TLN2: variants seen among roughly 807,000 people sequenced by gnomAD.
TLN2 encodes the protein talin 2.
A neutral mutation model predicts 294.7 loss-of-function variants in TLN2; 118 were observed. The observed-to-expected ratio is 0.40, with a 90% CI of 0.34 to 0.47. TLN2 has a LOEUF of 0.47. TLN2 is among the 20% of genes least tolerant of loss of function. The pLI is 0.84. For synonymous variants in TLN2, 1,431 were observed against 1,304.5 expected (o/e 1.10, Z -2.09); for missense variants, 3,083 against 3,282.2 (o/e 0.94, Z 1.48).
chr15:62,773,704 C>A (rs2063503008), intron 42 of TLN2, among the ~76,000 whole-genome samples: 1 of 152,142 alleles, frequency 6.6e-6, no homozygotes, highest in Admixed American at 6.5e-5. Context: ...TGAAAAATAG[C>A]ACAAGCTTTG....
chr15:62,785,926 CACA>C (rs776254286), intron 45 of TLN2, among the ~76,000 whole-genome samples: 8 of 152,098 alleles, frequency 5.3e-5, no homozygotes, highest in Non-Finnish European at 8.8e-5. Context: ...TTGCTAAAAG[CACA>C]ACAACAGGTT....
At chr15:62,710,551 A>G (rs986498880) in intron 21 of TLN2, among the ~76,000 whole-genome samples, 2 of 152,180 alleles carry the variant, frequency 1.3e-5, no homozygotes, top group African/African-American at 4.8e-5. Context: ...AAAGTTGCAG[A>G]GGAAATATGG....
intron 45 of TLN2, among the ~76,000 whole-genome samples, chr15:62,787,985 G>A (rs2064814054): frequency 6.7e-6 from 1 of 149,806 alleles, no homozygotes; most frequent in Non-Finnish European, 1.5e-5. Flanking sequence ...AGCCACTGTG[G>A]CCAGTCTAAA....
rs1253458207 is a variant in TLN2 at position 62,797,308 on chromosome 15, A to G, written c.6140A>G (p.Gln2047Arg). 1.2e-6 allele frequency: 2 copies of G among 1,613,620 alleles called. No homozygotes were observed. Among genetic ancestry groups the G allele is most frequent in the Non-Finnish European group, 1.7e-6 (2 of 1,180,014 alleles). The change falls in exon 48 of 59, where the codon CAG becomes CGG. Residue 2047 changes from glutamine to arginine, a missense_variant. Gln to Arg is a conservative substitution (Grantham distance 43). Coordinates refer to ENST00000636159, the MANE Select transcript of TLN2 (RefSeq NM_015059.3). ...GCGTCCACTCCTGACAAGCTGGCCCAGGCGGCCCAGTCCTCAGCAGCCACC... is the reference window on the plus strand; with the variant it reads ...GCGTCCACTCCTGACAAGCTGGCCCGGGCGGCCCAGTCCTCAGCAGCCACC... ...GAASTPDKLA[Q>R]AAQSSAATIT... is the part of the protein sequence containing the mutation.
At chr15:62,480,715 G>GT (rs1187203337) in intron 1 of TLN2, among the ~76,000 whole-genome samples, 2 of 152,066 alleles carry the variant, frequency 1.3e-5, no homozygotes, top group Non-Finnish European at 2.9e-5. Context: ...CATGCCCTAC[G>GT]TTACCACACT....
chr15:62,743,271 G>A (rs1269816494), intron 32 of TLN2, among the ~76,000 whole-genome samples: 1 of 151,828 alleles, frequency 6.6e-6, no homozygotes, highest in East Asian at 1.9e-4. Context: ...TATCCTCAAA[G>A]TCCCCAGAAA....
chr15:62,460,277 T>TTC (rs1566991367), intron 1 of TLN2, among the ~76,000 whole-genome samples: 1 of 151,312 alleles, frequency 6.6e-6, no homozygotes, highest in African/African-American at 2.4e-5. Context: ...TTTTTTTTTT[T>TTC]CCCTTGAGAT....
intron 57 of TLN2, 119 bp downstream of exon 57, chr15:62,836,192 C>A: frequency 7.1e-7 from 1 of 1,402,418 alleles, no homozygotes; most frequent in Non-Finnish European, 9.7e-7. Context: ...CCAGCCCTGT[C>A]CACGTTCCAG....
chr15:62,703,625 G>GCACACA (rs1416869426), intron 19 of TLN2, among the ~76,000 whole-genome samples: 1 of 78,228 alleles, frequency 1.3e-5, no homozygotes, highest in African/African-American at 4.3e-5. Context: ...ACACACACGC[G>GCACACA]CGCACACACA....
intron 2 of TLN2, among the ~76,000 whole-genome samples, chr15:62,595,997 C>T (rs2046469731): frequency 6.6e-6 from 1 of 152,116 alleles, no homozygotes. Flanking sequence ...TATTCTTGGC[C>T]AGGCGCGGTG....
At chr15:62,564,163 A>C (rs575684739) in intron 1 of TLN2, among the ~76,000 whole-genome samples, 1 of 152,202 alleles carries the variant, frequency 6.6e-6, no homozygotes, top group South Asian at 2.1e-4. Context: ...TGTTTTACAC[A>C]TGAGGGAATG....
rs554891066 is a variant in TLN2, at chr15:62,504,582, G to A, written c.-237-85105G>A. Among the ~76,000 whole-genome samples, 7 of 152,278 alleles carry A rather than the reference G, an allele frequency of 4.6e-5. No homozygotes were observed. The South Asian group carries it at 1.0e-3, about 23-fold the overall frequency. On this transcript the variant is annotated intron_variant, in intron 1 of 58. Transcript: ENST00000636159. The stretch of plus-strand genomic sequence containing the variant: ...CACTGTAATTCAATGGAGAATGGAT[G>A]GGCTTTTCAACAAGTGATGCTGAAA...
At chr15:62,827,297 C>CG (rs1297187041) in intron 54 of TLN2, among the ~76,000 whole-genome samples, 1 of 151,954 alleles carries the variant, frequency 6.6e-6, no homozygotes, top group Non-Finnish European at 1.5e-5. Flanking sequence ...TGAGGAGGAG[C>CG]GGGGGCAGTG....
At chr15:62,836,371 C>T (rs1362425876) in intron 57 of TLN2, among the ~76,000 whole-genome samples, 5 of 152,226 alleles carry the variant, frequency 3.3e-5, no homozygotes, top group Non-Finnish European at 5.9e-5. Flanking sequence ...CCCTGACTCC[C>T]AGGGTTTGGG....
intron 52 of TLN2, among the ~76,000 whole-genome samples, chr15:62,817,168 C>T (rs2067181142): frequency 6.6e-6 from 1 of 152,192 alleles, no homozygotes; most frequent in South Asian, 2.1e-4. Context: ...ACTAAATTGC[C>T]TGCCCACTGG....
Position 62,629,725 on chromosome 15 carries a change from T to C in TLN2, c.-37+11250T>C, listed in dbSNP as rs188915819. ...CCCTTTAGAATAATTGATATACTGA[T>C]TTTACATATTTTCTGCTCATCTTTC... On this transcript the variant is annotated intron_variant, in intron 3 of 58. Transcript: ENST00000636159. 4.5e-4 allele frequency among the ~76,000 whole-genome samples: 68 copies of C among 152,320 alleles called. 1 individual carries two copies. Among genetic ancestry groups the C allele is most frequent in the African/African-American group, 1.2e-3 (51 of 41,574 alleles).
At chr15:62,643,304 C>T (rs1279845296) in intron 3 of TLN2, among the ~76,000 whole-genome samples, 3 of 151,226 alleles carry the variant, frequency 2.0e-5, no homozygotes, top group Non-Finnish European at 4.4e-5. Flanking sequence ...AAAACTAAAT[C>T]TTAATAAAAT....
intron 3 of TLN2, among the ~76,000 whole-genome samples, chr15:62,619,947 C>G (rs926065186): frequency 6.6e-6 from 1 of 152,134 alleles, no homozygotes; most frequent in Non-Finnish European, 1.5e-5. Flanking sequence ...CATTGACCTT[C>G]AGCTTTAGGT....
At chr15:62,660,045 A>C (rs1248032271) in intron 9 of TLN2, among the ~76,000 whole-genome samples, 1 of 152,154 alleles carries the variant, frequency 6.6e-6, no homozygotes, top group Non-Finnish European at 1.5e-5. Flanking sequence ...TGATCTGCTT[A>C]AACAATTTAG....
Sources: gnomAD v4.1 joint callset for allele counts (sites outside exome capture counted in the v4.1 genomes callset) on GRCh38, gnomAD v4.1.1 for gene constraint, MANE v1.5 for transcripts, NCBI Gene and HGNC (gene_info 2026-07-23, HGNC 2026-07-21) for gene names.